The following RAB28 variants were observed in gnomAD, a reference collection of about 807,000 sequenced individuals.
RAB28 encodes the protein RAB28, member RAS oncogene family.
In RAB28, 24 loss-of-function variants were observed where a neutral mutation model predicts 31.7. That is an observed-to-expected ratio of 0.76 (90% confidence interval 0.55 to 1.06). The LOEUF is 1.06. Ranked by LOEUF, RAB28 falls within the 50% of genes least tolerant of loss-of-function variation. The probability of loss-of-function intolerance (pLI) is 0.00; values close to 1 mark genes in which losing one functional copy is unlikely to be tolerated. For missense variants in RAB28, 254 were observed against 258.5 expected (o/e 0.98, Z 0.12); for synonymous variants, 100 against 90.4 (o/e 1.11, Z -0.60).
intron 4 of RAB28, among the ~76,000 whole-genome samples, chr4:13,395,064 C>A (rs1046668875): frequency 3.9e-5 from 6 of 152,142 alleles, no homozygotes; most frequent in African/African-American, 1.4e-4. Flanking sequence ...TCAAATCCAG[C>A]TGGAGGTTCT....
At chr4:13,431,530 GA>G (rs1303519251) in intron 4 of RAB28, among the ~76,000 whole-genome samples, 3 of 152,048 alleles carry the variant, frequency 2.0e-5, no homozygotes, top group Non-Finnish European at 2.9e-5. Context: ...CCTGCTACCA[GA>G]AGAGCTTAGT....
chr4:13,430,454 C>T (rs1234562403), intron 4 of RAB28, among the ~76,000 whole-genome samples: 2 of 152,198 alleles, frequency 1.3e-5, no homozygotes, highest in Admixed American at 1.3e-4. Context: ...CCACTCCCCT[C>T]ACCTCTGTGA....
chr4:13,410,377 A>G (rs1712366448), intron 4 of RAB28, among the ~76,000 whole-genome samples: 1 of 152,128 alleles, frequency 6.6e-6, no homozygotes, highest in Non-Finnish European at 1.5e-5. Context: ...TAGTTTGCCA[A>G]TCTAGTACCT....
intron 4 of RAB28, among the ~76,000 whole-genome samples, chr4:13,384,511 A>G (rs1456932028): frequency 6.6e-6 from 1 of 152,250 alleles, no homozygotes; most frequent in East Asian, 1.9e-4. Context: ...CCACCAGCAC[A>G]GTGGGTTCCT....
chr4:13,418,701 C>T, intron 4 of RAB28, among the ~76,000 whole-genome samples: 1 of 152,198 alleles, frequency 6.6e-6, no homozygotes, highest in Non-Finnish European at 1.5e-5. Context: ...CAAGCAAATG[C>T]TGAGAGATTT....
At chr4:13,477,711 T>C (rs907441361) in intron 2 of RAB28, among the ~76,000 whole-genome samples, 8 of 151,490 alleles carry the variant, frequency 5.3e-5, no homozygotes, top group Non-Finnish European at 5.9e-5. Flanking sequence ...ATTAGGAAAA[T>C]TAAAATATAC....
At chr4:13,454,424 T>G (rs1715178191) in intron 4 of RAB28, among the ~76,000 whole-genome samples, 3 of 152,186 alleles carry the variant, frequency 2.0e-5, no homozygotes, top group Admixed American at 2.0e-4. Flanking sequence ...TGTGTCCGTA[T>G]GTTGATTTCT....
At chr4:13,397,916 G>C (rs1711518546) in intron 4 of RAB28, among the ~76,000 whole-genome samples, 2 of 151,876 alleles carry the variant, frequency 1.3e-5, no homozygotes, top group Admixed American at 1.3e-4. Flanking sequence ...AACCTATAAG[G>C]ATTCTAAGGG....
chr4:13,464,833 C>A (rs886945464), intron 3 of RAB28, among the ~76,000 whole-genome samples: 32 of 152,086 alleles, frequency 2.1e-4, no homozygotes, highest in African/African-American at 7.2e-4. Flanking sequence ...AGCATCAGAA[C>A]AAGACTCAGA....
chr4:13,399,377 T>C (rs1711616589), intron 4 of RAB28, among the ~76,000 whole-genome samples: 1 of 152,232 alleles, frequency 6.6e-6, no homozygotes, highest in South Asian at 2.1e-4. Context: ...TTCCCAACTG[T>C]TAAGATACTA....
At chr4:13,463,079 A>G (rs1715680611) in intron 3 of RAB28, among the ~76,000 whole-genome samples, 2 of 152,194 alleles carry the variant, frequency 1.3e-5, no homozygotes, top group African/African-American at 4.8e-5. Flanking sequence ...CTTATTTTAA[A>G]ATTAACATAC....
intron 4 of RAB28, among the ~76,000 whole-genome samples, chr4:13,414,498 G>T (rs368718350): frequency 3.3e-5 from 5 of 152,174 alleles, no homozygotes; most frequent in African/African-American, 1.2e-4. Context: ...CCAAAATCCT[G>T]ATGATTTTAT....
chr4:13,403,024 A>G (rs1189245379), intron 4 of RAB28, among the ~76,000 whole-genome samples: 2 of 152,176 alleles, frequency 1.3e-5, no homozygotes, highest in African/African-American at 4.8e-5. Flanking sequence ...CGAACTCCTG[A>G]GCTCTGATTA....
At chr4:13,461,438 G>C (rs1249551895) in intron 3 of RAB28, among the ~76,000 whole-genome samples, 1 of 152,112 alleles carries the variant, frequency 6.6e-6, no homozygotes, top group Non-Finnish European at 1.5e-5. Context: ...CTCCTTTCCA[G>C]AGTAAACAAA....
intron 4 of RAB28, among the ~76,000 whole-genome samples, chr4:13,451,316 A>C (rs2108951401): frequency 6.7e-6 from 1 of 150,338 alleles, no homozygotes. Flanking sequence ...ATACTTGTTG[A>C]CCATTTCTAT....
At chr4:13,414,885 T>C (rs1183549394) in intron 4 of RAB28, among the ~76,000 whole-genome samples, 1 of 152,212 alleles carries the variant, frequency 6.6e-6, no homozygotes, top group Non-Finnish European at 1.5e-5. Flanking sequence ...TGAAGATGAA[T>C]AGGACAGGAT....
At chr4:13,409,860 C>T (rs1001733183) in intron 4 of RAB28, among the ~76,000 whole-genome samples, 6 of 152,136 alleles carry the variant, frequency 3.9e-5, no homozygotes, top group African/African-American at 1.4e-4. Flanking sequence ...TCCCTGCCTG[C>T]TATAATTTGG....
At chr4:13,416,876 T>C (rs144156104) in intron 4 of RAB28, among the ~76,000 whole-genome samples, 11 of 152,268 alleles carry the variant, frequency 7.2e-5, no homozygotes, top group African/African-American at 2.6e-4. Flanking sequence ...TTCATCTCAT[T>C]GGGACTGGTA....
chr4:13,424,147 T>A (rs963291939), intron 4 of RAB28, among the ~76,000 whole-genome samples: 3 of 152,194 alleles, frequency 2.0e-5, no homozygotes, highest in Non-Finnish European at 4.4e-5. Context: ...CAAGTATCAA[T>A]CCTTTCCTCA....
Sources: gnomAD v4.1 joint callset for allele counts (sites outside exome capture counted in the v4.1 genomes callset) on GRCh38, gnomAD v4.1.1 for gene constraint, MANE v1.5 for transcripts, NCBI Gene and HGNC (gene_info 2026-07-23, HGNC 2026-07-21) for gene names.